The following TAF4 variants were observed in gnomAD, a reference collection of about 807,000 sequenced individuals.
TAF4 encodes the protein transcription initiation factor TFIID subunit 4.
Under a neutral mutation model 90.3 loss-of-function variants are expected in TAF4, and 9 were observed. The ratio of observed to expected loss-of-function variants is 0.10; its 90% confidence interval spans 0.06 to 0.17. TAF4 has a LOEUF of 0.17. Among genes scored for constraint, TAF4 ranks in the 10% least tolerant of loss-of-function variants. TAF4 has a pLI of 1.00. For synonymous variants in TAF4, 818 were observed against 638.9 expected, an observed-to-expected ratio of 1.28 and a Z score of -4.23; for missense variants, 1,351 against 1,370.7, an observed-to-expected ratio of 0.99 and a Z score of 0.23.
intron 1 of TAF4, among the ~76,000 whole-genome samples, chr20:62,028,626 T>C (rs756950416): frequency 1.6e-4 from 25 of 152,176 alleles, no homozygotes; most frequent in Non-Finnish European, 3.2e-4. Flanking sequence ...ACAGGTACAG[T>C]GCACATGCGT....
chr20:62,065,473 G>A lies in TAF4; in HGVS notation c.338C>T (p.Pro113Leu), dbSNP rs919195507. Residue 113 changes from proline to leucine, a missense_variant, in exon 1 of 15, where the codon CCC becomes CTC. Pro to Leu is a moderately conservative substitution (Grantham distance 98). Around this residue, in one of 9 missense-constraint regions of TAF4, gnomAD observed 782 missense variants for 536.6 expected, o/e 1.46. Transcript: ENST00000252996. ...CGGCGCGGGCCCTGCGGGGACAAGG[G>A]GGCGGCGCGGTGAGGGGGGGCCCGG... is the stretch of plus-strand genomic sequence containing the variant. The part of the protein sequence containing the change: ...QRPGPPSPRR[P>L]LVPAGPAPPA... 38 of 975,542 alleles carry A rather than the reference G, an allele frequency of 3.9e-5. No individual in the cohort carries two copies. The highest frequency in any genetic ancestry group is 4.4e-5 in the Non-Finnish European group (36 of 824,184). 60.4% of individuals were successfully genotyped at this position (975,542 alleles called of 1,614,324 possible). A position where few individuals can be genotyped will look rare whatever the true frequency, so the allele number is the denominator to read the frequency against.
chr20:61,985,642 A>G (rs1008500945), intron 14 of TAF4, among the ~76,000 whole-genome samples: 2 of 151,512 alleles, frequency 1.3e-5, no homozygotes, highest in African/African-American at 4.9e-5. Flanking sequence ...AAGTACATCT[A>G]CTGTGGGGGA....
chr20:62,038,977 CG>C (rs1260715760), intron 1 of TAF4, among the ~76,000 whole-genome samples: 1 of 152,146 alleles, frequency 6.6e-6, no homozygotes, highest in Non-Finnish European at 1.5e-5. Context: ...CACTTGAACC[CG>C]GGAGTCGGAG....
chr20:62,020,282 G>C (rs868165151), intron 1 of TAF4, among the ~76,000 whole-genome samples: 1 of 152,178 alleles, frequency 6.6e-6, no homozygotes, highest in African/African-American at 2.4e-5. Flanking sequence ...CTGCCGGTGG[G>C]GGGGCTCTTT....
intron 1 of TAF4, among the ~76,000 whole-genome samples, chr20:62,018,876 G>A (rs2055827473): frequency 6.6e-6 from 1 of 152,228 alleles, no homozygotes; most frequent in African/African-American, 2.4e-5. Context: ...ATGGGGCATA[G>A]CCCTGAAGGT....
At chr20:62,055,894 C>G (rs1021330551) in intron 1 of TAF4, among the ~76,000 whole-genome samples, 1 of 152,246 alleles carries the variant, frequency 6.6e-6, no homozygotes, top group Admixed American at 6.5e-5. Flanking sequence ...CAGCTGAACC[C>G]TGGTACCCTC....
At chr20:61,983,234 G>A (rs563974895) in intron 14 of TAF4, among the ~76,000 whole-genome samples, 1 of 150,490 alleles carries the variant, frequency 6.6e-6, no homozygotes, top group South Asian at 2.1e-4. Flanking sequence ...CCAGGGCGTC[G>A]TCACTAGTTT....
chr20:62,047,408 G>A (rs936324374), intron 1 of TAF4, among the ~76,000 whole-genome samples: 3 of 152,294 alleles, frequency 2.0e-5, no homozygotes, highest in South Asian at 2.1e-4. Flanking sequence ...GAGGCACTCA[G>A]AGCATGGACT....
chr20:62,022,353 A>C (rs2055848532), intron 1 of TAF4, among the ~76,000 whole-genome samples: 1 of 152,198 alleles, frequency 6.6e-6, no homozygotes, highest in Non-Finnish European at 1.5e-5. Flanking sequence ...AGCCACCAGC[A>C]GGCAGCCTCA....
intron 5 of TAF4, among the ~76,000 whole-genome samples, chr20:62,008,605 C>T (rs2055761033): frequency 6.6e-6 from 1 of 152,036 alleles, no homozygotes; most frequent in African/African-American, 2.4e-5. Flanking sequence ...AGCTGGTCTG[C>T]TCCATGGGGA....
At chr20:61,999,179 C>A in intron 11 of TAF4, 71 bp from the exon 12 acceptor site, 1 of 1,569,684 alleles carries the variant, frequency 6.4e-7, no homozygotes, top group Non-Finnish European at 8.7e-7. Context: ...TGTCTAGCAC[C>A]ACTGGACCAT....
At position 62,013,025 on chromosome 20, in the gene TAF4, T is replaced by C. The variant is rs919761528; in HGVS notation, c.1522-91A>G. ...AGAAATTATTCCTTCCATATGTAAC[T>C]AGTATATCCAAGTGGGTCCCAGGCT... On this transcript the variant is annotated intron_variant, in intron 2 of 14. Transcript: ENST00000252996. The C allele has an allele frequency of 1.2e-5, 19 of 1,538,486 alleles. No homozygotes were observed. The African/African-American group carries it at 2.6e-4, about 21-fold the overall frequency.
At chr20:62,064,135 G>A (rs1568946444) in intron 1 of TAF4, among the ~76,000 whole-genome samples, 1 of 152,254 alleles carries the variant, frequency 6.6e-6, no homozygotes, top group Non-Finnish European at 1.5e-5. Flanking sequence ...GACGCATAGG[G>A]CGGGAGCAGG....
chr20:62,023,014 T>A (rs1029542632), intron 1 of TAF4, among the ~76,000 whole-genome samples: 2 of 152,210 alleles, frequency 1.3e-5, no homozygotes, highest in Non-Finnish European at 2.9e-5. Flanking sequence ...ATAGTTAAGA[T>A]GTCAACTCCT....
intron 1 of TAF4, among the ~76,000 whole-genome samples, chr20:62,037,270 A>G (rs2055937571): frequency 6.6e-6 from 1 of 152,220 alleles, no homozygotes; most frequent in African/African-American, 2.4e-5. Context: ...GGCCAGTGCA[A>G]TGAGACAAGA....
At chr20:62,002,949 T>C (rs1283301901) in intron 9 of TAF4, among the ~76,000 whole-genome samples, 1 of 152,242 alleles carries the variant, frequency 6.6e-6, no homozygotes, top group Non-Finnish European at 1.5e-5. Context: ...TTTCTGGCTA[T>C]GTGTATGAAG....
At chr20:62,037,207 G>A (rs2055937245) in intron 1 of TAF4, among the ~76,000 whole-genome samples, 1 of 152,098 alleles carries the variant, frequency 6.6e-6, no homozygotes, top group Non-Finnish European at 1.5e-5. Flanking sequence ...TCAGAAACAA[G>A]GCAAAATGTC....
chr20:62,026,213 G>GT (rs1416236492), intron 1 of TAF4, among the ~76,000 whole-genome samples: 1 of 152,046 alleles, frequency 6.6e-6, no homozygotes, highest in East Asian at 1.9e-4. Context: ...CCCGAGAGTC[G>GT]TATTAACAAC....
intron 12 of TAF4, 86 bp from the exon 13 acceptor site, chr20:61,998,278 A>G: frequency 1.5e-6 from 2 of 1,374,828 alleles, no homozygotes; most frequent in Non-Finnish European, 2.0e-6. Flanking sequence ...TTTACTATAC[A>G]ATAACATCTA....
Sources: gnomAD v4.1 joint callset for allele counts (sites outside exome capture counted in the v4.1 genomes callset) on GRCh38, gnomAD v4.1.1 for gene constraint, gnomAD v4.1.1 regional missense constraint, MANE v1.5 for transcripts, NCBI Gene and HGNC (gene_info 2026-07-23, HGNC 2026-07-21) for gene names.